The following ARHGAP20 variants were observed in gnomAD, a reference collection of about 807,000 sequenced individuals.
The protein encoded by ARHGAP20 is Rho GTPase activating protein 20.
Under a neutral mutation model 73.7 loss-of-function variants are expected in ARHGAP20, and 34 were observed. The ratio of observed to expected loss-of-function variants is 0.46; its 90% confidence interval spans 0.35 to 0.61. ARHGAP20 has a LOEUF of 0.61. ARHGAP20 is among the 20% of genes least tolerant of loss of function. ARHGAP20 has a pLI of 0.00. For missense variants in ARHGAP20, 1,314 were observed against 1,420.9 expected (o/e 0.92, Z 1.21); for synonymous variants, 523 against 518.2 (o/e 1.01, Z -0.13).
chr11:110,692,339 A>G (rs1036841280), intron 1 of ARHGAP20, among the ~76,000 whole-genome samples: 21 of 152,142 alleles, frequency 1.4e-4, no homozygotes, highest in African/African-American at 5.1e-4. Context: ...CCATCAAGCT[A>G]TGTTCCAGAT....
At chr11:110,654,923 G>A (rs1473372575) in intron 2 of ARHGAP20, among the ~76,000 whole-genome samples, 1 of 152,152 alleles carries the variant, frequency 6.6e-6, no homozygotes, top group Non-Finnish European at 1.5e-5. Context: ...AAATCTTTAA[G>A]CAGAATACAA....
chr11:110,596,030 A>G (rs1434961385), intron 9 of ARHGAP20, among the ~76,000 whole-genome samples: 1 of 152,164 alleles, frequency 6.6e-6, no homozygotes, highest in East Asian at 1.9e-4. Context: ...CCTGACAAAA[A>G]CAAGCAATGG....
intron 2 of ARHGAP20, among the ~76,000 whole-genome samples, chr11:110,637,892 T>C (rs1949002292): frequency 1.3e-5 from 2 of 152,074 alleles, no homozygotes; most frequent in South Asian, 2.1e-4. Flanking sequence ...ATGTCAAATA[T>C]GCACCTTGTG....
At chr11:110,616,605 T>C (rs1472767252) in intron 4 of ARHGAP20, among the ~76,000 whole-genome samples, 1 of 152,160 alleles carries the variant, frequency 6.6e-6, no homozygotes, top group African/African-American at 2.4e-5. Flanking sequence ...AATACATTTA[T>C]TCACTAACTT....
chr11:110,595,404 A>C (rs1395334359), intron 9 of ARHGAP20, among the ~76,000 whole-genome samples: 1 of 152,228 alleles, frequency 6.6e-6, no homozygotes, highest in Admixed American at 6.5e-5. Flanking sequence ...CCATGGTCTC[A>C]GCCCCAAATC....
rs115683814 is a variant in ARHGAP20 at position 110,598,901 on chromosome 11, C to T, written c.965-6746G>A. 4.1e-3 allele frequency among the ~76,000 whole-genome samples: 618 copies of T among 152,236 alleles called. 6 individuals carry two copies. The highest frequency in any genetic ancestry group is 0.014 in the African/African-American group (572 of 41,546). ...GGAGCAGGTGGGAGCCCTGCCCTCC[C>T]GGGTGGAGGTGCAGCCATCTGAGTT... On this transcript the variant is annotated intron_variant, in intron 9 of 14. Transcript: ENST00000683387.
chr11:110,593,160 T>C (rs1269935065), intron 9 of ARHGAP20, among the ~76,000 whole-genome samples: 1 of 152,126 alleles, frequency 6.6e-6, no homozygotes, highest in African/African-American at 2.4e-5. Context: ...CACTAAATTG[T>C]TATTAAACAA....
chr11:110,640,248 CCT>C (rs1949051622), intron 2 of ARHGAP20, among the ~76,000 whole-genome samples: 1 of 151,918 alleles, frequency 6.6e-6, no homozygotes, highest in African/African-American at 2.4e-5. Context: ...ATACTACTCA[CCT>C]CTCTCAAATT....
Position 110,580,730 on chromosome 11 carries a change from T to A in ARHGAP20, c.2216A>T (p.Asp739Val). 1 of 1,614,194 alleles carries A rather than the reference T, an allele frequency of 6.2e-7. No individual in the cohort carries two copies. The highest frequency in any genetic ancestry group is 8.5e-7 in the Non-Finnish European group (1 of 1,180,014). Residue 739 changes from aspartate to valine, a missense_variant, in exon 15 of 15, where the codon GAT becomes GTT. Asp to Val is a radical substitution (Grantham distance 152). Coordinates refer to ENST00000683387, the MANE Select transcript of ARHGAP20 (RefSeq NM_001384657.1). ...SSCDAILSQK[D>V]EDYLKQNQPL... is the part of the protein sequence containing the mutation. ...TTGATTCTGCTTCAGATAGTCTTCA[T>A]CTTTTTGAGAAAGAATTGCATCACA...
chr11:110,655,361 T>C (rs954248381), intron 2 of ARHGAP20, among the ~76,000 whole-genome samples: 2 of 152,164 alleles, frequency 1.3e-5, no homozygotes, highest in African/African-American at 4.8e-5. Context: ...GATTTAAATC[T>C]ACCTTATCAA....
chr11:110,619,277 C>T (rs1948565239), intron 4 of ARHGAP20, among the ~76,000 whole-genome samples: 1 of 94,154 alleles, frequency 1.1e-5, no homozygotes, highest in African/African-American at 4.5e-5. Context: ...AGAGTGTATG[C>T]AGTGATAGAG....
intron 9 of ARHGAP20, among the ~76,000 whole-genome samples, chr11:110,596,074 G>A (rs1429400157): frequency 6.6e-6 from 1 of 152,100 alleles, no homozygotes; most frequent in African/African-American, 2.4e-5. Context: ...ATGGTGCTGG[G>A]AAAACTGGCT....
chr11:110,696,918 G>T (rs1379700515), intron 1 of ARHGAP20, among the ~76,000 whole-genome samples: 18 of 151,616 alleles, frequency 1.2e-4, no homozygotes, highest in Admixed American at 1.2e-3. Flanking sequence ...CTTTTTTATG[G>T]CTGCATAGTA....
chr11:110,587,132 T>G (rs538369311), intron 11 of ARHGAP20, among the ~76,000 whole-genome samples: 5 of 152,206 alleles, frequency 3.3e-5, no homozygotes, highest in Non-Finnish European at 7.3e-5. Flanking sequence ...GCTTTTGTTG[T>G]TTGGCTTTTG....
intron 2 of ARHGAP20, among the ~76,000 whole-genome samples, chr11:110,667,852 C>T (rs953080770): frequency 6.6e-6 from 1 of 152,092 alleles, no homozygotes; most frequent in South Asian, 2.1e-4. Context: ...GTAGAAACAG[C>T]AAGATAATTA....
intron 3 of ARHGAP20, among the ~76,000 whole-genome samples, chr11:110,626,288 T>C (rs1948742285): frequency 6.6e-6 from 1 of 152,266 alleles, no homozygotes; most frequent in East Asian, 1.9e-4. Context: ...CCACATCCGT[T>C]GACCTGGAAA....
chr11:110,614,011 T>C (rs1041409210), intron 6 of ARHGAP20, among the ~76,000 whole-genome samples: 1 of 152,206 alleles, frequency 6.6e-6, no homozygotes, highest in African/African-American at 2.4e-5. Flanking sequence ...TTGACCAATA[T>C]GATAAACACT....
chr11:110,709,814 C>A (rs1950613764), intron 1 of ARHGAP20, among the ~76,000 whole-genome samples: 1 of 152,144 alleles, frequency 6.6e-6, no homozygotes, highest in African/African-American at 2.4e-5. Flanking sequence ...AAAGCCACTG[C>A]AGGATTTTAA....
intron 2 of ARHGAP20, among the ~76,000 whole-genome samples, chr11:110,656,442 C>T (rs541500782): frequency 4.6e-5 from 7 of 152,234 alleles, no homozygotes; most frequent in South Asian, 2.1e-4. Flanking sequence ...GGTGCAGAAT[C>T]GAGAGACCAA....
Sources: allele counts gnomAD v4.1 joint callset (sites outside exome capture counted in the v4.1 genomes callset), GRCh38; gene constraint gnomAD v4.1.1; transcripts MANE v1.5; gene names NCBI Gene and HGNC (gene_info 2026-07-23, HGNC 2026-07-21).